Variants in RAD54B observed in about 807,000 individuals in gnomAD.
RAD54B encodes DNA repair and recombination protein RAD54B.
RAD54B carries 78 observed loss-of-function variants against 95.8 expected under a neutral mutation model. The ratio of observed to expected loss-of-function variants is 0.81; its 90% CI spans 0.68 to 0.98. The LOEUF (loss-of-function observed/expected upper bound fraction) is 0.98, where lower values mean the gene tolerates loss of function less well. Among genes scored for constraint, RAD54B ranks in the 50% least tolerant of loss-of-function variants. The pLI, the probability that RAD54B is intolerant of heterozygous loss-of-function variation, is 0.00. For synonymous variants in RAD54B, 328 were observed against 354.9 expected (o/e 0.92, Z 0.85); for missense variants, 957 against 1,056.6 (o/e 0.91, Z 1.31).
At chr8:94,385,631 G>T (rs181527092) in intron 11 of RAD54B, among the ~76,000 whole-genome samples, 1 of 152,236 alleles carries the variant, frequency 6.6e-6, no homozygotes, top group East Asian at 1.9e-4. Context: ...TAGAAAAGGG[G>T]TCTCACTCTA....
intron 2 of RAD54B, among the ~76,000 whole-genome samples, chr8:94,461,044 A>G (rs1455089094): frequency 3.9e-5 from 6 of 151,978 alleles, no homozygotes; most frequent in Non-Finnish European, 7.4e-5. Flanking sequence ...TGATTAGGAC[A>G]TGAACATGTT....
At chr8:94,441,095 G>T (rs1812386664) in intron 3 of RAD54B, among the ~76,000 whole-genome samples, 1 of 147,962 alleles carries the variant, frequency 6.8e-6, no homozygotes, top group African/African-American at 2.6e-5. Context: ...CTGACCACCG[G>T]TGCATGCAGC....
At chr8:94,470,809 TA>T (rs1813152877) in intron 1 of RAD54B, among the ~76,000 whole-genome samples, 2 of 151,142 alleles carry the variant, frequency 1.3e-5, no homozygotes, top group African/African-American at 4.9e-5. Context: ...TCAATTACAG[TA>T]GGGGGAAAAA....
At chr8:94,452,639 A>C (rs1812687689) in intron 3 of RAD54B, among the ~76,000 whole-genome samples, 1 of 152,078 alleles carries the variant, frequency 6.6e-6, no homozygotes, top group Admixed American at 6.5e-5. Flanking sequence ...CTGGGAATAC[A>C]GGCACCCACC....
chr8:94,419,489 C>T (rs1029500386), intron 3 of RAD54B, among the ~76,000 whole-genome samples: 1 of 151,866 alleles, frequency 6.6e-6, no homozygotes, highest in Non-Finnish European at 1.5e-5. Context: ...GCCTGGGCAA[C>T]AAGAGCGAAA....
At chr8:94,372,456 G>A in intron 14 of RAD54B, 69 bp from the exon 15 acceptor site, 1 of 1,557,854 alleles carries the variant, frequency 6.4e-7, no homozygotes, top group Non-Finnish European at 8.6e-7. Flanking sequence ...ATACTTTTTT[G>A]TTTTATGATA....
In RAD54B at chr8:94,407,153, C is replaced by T. The variant is rs115875762; in HGVS notation, c.781+286G>A. 6.1e-3 allele frequency among the ~76,000 whole-genome samples: 927 copies of T among 152,162 alleles called. 12 individuals carry two copies. The highest frequency in any genetic ancestry group is 0.021 in the African/African-American group (869 of 41,542). On this transcript the variant is annotated intron_variant, in intron 5 of 14. Coordinates refer to ENST00000336148, the MANE Select transcript of RAD54B (RefSeq NM_012415.3). ...AAGTCAGATTTTATTCAAAATTATA[C>T]ACATGTATGTGTAATGTATACACAT...
At position 94,460,370 on chromosome 8, in the gene RAD54B, C is replaced by T. The variant is rs114660351; in HGVS notation, c.136-1934G>A. Among the ~76,000 whole-genome samples the T allele has an allele frequency of 3.3e-3, 505 of 152,194 alleles. 1 individual carries two copies. Among genetic ancestry groups the T allele is most frequent in the African/African-American group, 0.012 (486 of 41,548 alleles). ...CCAATAGTCCCAGATACTTTGAACA[C>T]TGAGGTGGGAGGATGGCTTGAGGCC... On this transcript the variant is annotated intron_variant, in intron 2 of 14. Coordinates refer to ENST00000336148, the MANE Select transcript of RAD54B (RefSeq NM_012415.3).
chr8:94,376,753 T>C (rs1810584557), intron 14 of RAD54B, among the ~76,000 whole-genome samples: 1 of 148,670 alleles, frequency 6.7e-6, no homozygotes, highest in South Asian at 2.1e-4. Context: ...TATATTTATA[T>C]ATGACATATA....
At chr8:94,414,724 A>G (rs956500631) in intron 3 of RAD54B, among the ~76,000 whole-genome samples, 3 of 152,210 alleles carry the variant, frequency 2.0e-5, no homozygotes, top group Non-Finnish European at 4.4e-5. Context: ...CACCAATAAC[A>G]GACAAACAGA....
intron 3 of RAD54B, among the ~76,000 whole-genome samples, chr8:94,416,383 G>A (rs1467782507): frequency 6.6e-6 from 1 of 152,028 alleles, no homozygotes; most frequent in Non-Finnish European, 1.5e-5. Flanking sequence ...GGGCGAGGGG[G>A]GAGGGATAGC....
chr8:94,402,959 T>A (rs892576271), intron 6 of RAD54B, among the ~76,000 whole-genome samples: 3 of 152,126 alleles, frequency 2.0e-5, no homozygotes, highest in African/African-American at 7.2e-5. Flanking sequence ...AGATTCAGAA[T>A]GTGAGAGAGA....
intron 3 of RAD54B, among the ~76,000 whole-genome samples, chr8:94,424,219 G>A (rs1811888750): frequency 6.6e-6 from 1 of 152,174 alleles, no homozygotes; most frequent in Non-Finnish European, 1.5e-5. Flanking sequence ...GAGACAGACT[G>A]GCTGGGTCAG....
Position 94,391,805 on chromosome 8 carries a change from T to C in RAD54B, c.1613A>G (p.Tyr538Cys), listed in dbSNP as rs778552591. 3.7e-6 allele frequency: 6 copies of C among 1,613,964 alleles called. No homozygotes were observed. Among genetic ancestry groups the C allele is most frequent in the Non-Finnish European group, 5.1e-6 (6 of 1,179,910 alleles). Residue 538 changes from tyrosine to cysteine, a missense_variant, in exon 10 of 15, where the codon TAT (tyrosine) becomes TGT (cysteine). Transcript: ENST00000336148. ...LRRTQEIINK[Y>C]LPPKIENVVF... ...AACATTCTCTATTTTAGGTGGGAGA[T>C]ATTTATTTATAATTTCTTGGGTTCT...
rs373096816 is a variant in RAD54B at position 94,387,013 on chromosome 8, C to T, written c.1956G>A (p.Ala652=). ...CAGTAGGTCGAAGTTCGTGGATAAC[C>T]GCTAAGAGCTTGGACAACACCTGTA... is the stretch of plus-strand genomic sequence containing the variant. ...GKLQVLSKLL[A]VIHELRPTEK... is the part of the protein sequence containing the mutation. The change falls in exon 11 of 15, where the codon GCG becomes GCA. Residue 652 remains alanine, a synonymous_variant. Coordinates refer to ENST00000336148, the MANE Select transcript of RAD54B (RefSeq NM_012415.3). 53 of 1,607,400 alleles carry T rather than the reference C, an allele frequency of 3.3e-5. No homozygotes were observed. The highest frequency in any genetic ancestry group is 1.2e-4 in the African/African-American group (9 of 74,428).
chr8:94,458,363 T>G lies in RAD54B; in HGVS notation c.209A>C (p.Glu70Ala). Residue 70 changes from glutamate to alanine, a missense_variant, in exon 3 of 15, where the codon GAA (glutamate) becomes GCA (alanine). Transcript: ENST00000336148. ...GTTATTGATTTCTCTAGTACTTTCT[T>G]CACTAGGCAGATTTAAACTGCATAT... Reference protein sequence around the residue: ...LRICSLNLPSEESTREINNRD... With the variant: ...LRICSLNLPSAESTREINNRD... The G allele has an allele frequency of 6.2e-7, 1 of 1,608,914 alleles. No individual in the cohort carries two copies. Among genetic ancestry groups the G allele is most frequent in the Non-Finnish European group, 8.5e-7 (1 of 1,177,988 alleles).
chr8:94,409,286 T>C (rs1230708695), intron 4 of RAD54B, among the ~76,000 whole-genome samples: 1 of 152,110 alleles, frequency 6.6e-6, no homozygotes, highest in Admixed American at 6.6e-5. Context: ...TATACCTATG[T>C]TCAGTCCCTC....
chr8:94,449,629 A>C (rs902119414), intron 3 of RAD54B, among the ~76,000 whole-genome samples: 4 of 151,604 alleles, frequency 2.6e-5, no homozygotes, highest in African/African-American at 9.7e-5. Flanking sequence ...AAAAAAAAGA[A>C]GGAAATGGTC....
intron 3 of RAD54B, chr8:94,429,983 A>G: frequency 1.0e-6 from 1 of 985,384 alleles, no homozygotes; most frequent in Non-Finnish European, 1.2e-6. Flanking sequence ...CAAAGCATTC[A>G]ATGGCTTCTC....
Sources: gnomAD v4.1 joint callset for allele counts (sites outside exome capture counted in the v4.1 genomes callset) on GRCh38, gnomAD v4.1.1 for gene constraint, MANE v1.5 for transcripts, NCBI Gene and HGNC (gene_info 2026-07-23, HGNC 2026-07-21) for gene names.